SLCO3A1: variants seen among roughly 807,000 people sequenced by gnomAD.
The protein encoded by SLCO3A1 is PGE1 transporter.
In SLCO3A1, 27 loss-of-function variants were observed where a neutral mutation model predicts 63.1. That is an observed-to-expected ratio of 0.43 (90% CI 0.32 to 0.59). The LOEUF (loss-of-function observed/expected upper bound fraction) is 0.59, where lower values mean the gene tolerates loss of function less well. Among genes scored for constraint, SLCO3A1 ranks in the 20% least tolerant of loss-of-function variants. The pLI is 0.09. For synonymous variants in SLCO3A1, 473 were observed against 409.9 expected, an observed-to-expected ratio of 1.15 and a Z score of -1.86; for missense variants, 773 against 945.8, an observed-to-expected ratio of 0.82 and a Z score of 2.40.
chr15:91,980,020 CGCATTTGGT>C (rs1376609403), intron 2 of SLCO3A1, among the ~76,000 whole-genome samples: 1 of 152,166 alleles, frequency 6.6e-6, no homozygotes, highest in African/African-American at 2.4e-5. Context: ...CTTCACCATC[CGCATTTGGT>C]GCATTAGAAA....
At chr15:92,086,214 T>A (rs1401224931) in intron 2 of SLCO3A1, among the ~76,000 whole-genome samples, 1 of 152,140 alleles carries the variant, frequency 6.6e-6, no homozygotes, top group African/African-American at 2.4e-5. Context: ...ACTGCCAAGT[T>A]TTGCCAAGGT....
intron 1 of SLCO3A1, among the ~76,000 whole-genome samples, chr15:91,881,746 A>G (rs1897593751): frequency 6.6e-6 from 1 of 152,192 alleles, no homozygotes; most frequent in South Asian, 2.1e-4. Context: ...TAAATAAGCA[A>G]CATGCCGAGT....
intron 5 of SLCO3A1, among the ~76,000 whole-genome samples, chr15:92,125,187 G>A (rs1350430500): frequency 2.0e-5 from 3 of 152,144 alleles, no homozygotes; most frequent in African/African-American, 7.2e-5. Context: ...TTGACCTAGA[G>A]GTCTGTTGAT....
chr15:92,126,135 G>T lies in SLCO3A1; in HGVS notation c.1249G>T (p.Ala417Ser). The change falls in exon 6 of 10, where the codon GCC (alanine) becomes TCC (serine). Residue 417 changes from alanine (A) to serine (S), a missense_variant. Physicochemically the swap from Ala to Ser is moderately conservative, Grantham distance 99 (BLOSUM62 1). This residue lies in a region of SLCO3A1 where 565 missense variants were observed against 749.8 expected (regional missense o/e 0.75). Transcript: ENST00000318445. ...TTTGGTGAAGAAGCTCAGCCTGTCT[G>T]CCCTGGGGGCCATTCGGATGGCCAT... ...GLLVKKLSLSALGAIRMAMLV... is the reference protein window; with the variant it reads ...GLLVKKLSLSSLGAIRMAMLV... 1 of 1,613,546 alleles carries T rather than the reference G, an allele frequency of 6.2e-7. No homozygotes were observed. The highest frequency in any genetic ancestry group is 8.5e-7 in the Non-Finnish European group (1 of 1,179,880).
At chr15:92,040,797 G>A (rs1234855462) in intron 2 of SLCO3A1, among the ~76,000 whole-genome samples, 1 of 152,156 alleles carries the variant, frequency 6.6e-6, no homozygotes, top group Non-Finnish European at 1.5e-5. Context: ...ACTGTCCTTT[G>A]ACTATGGGTC....
chr15:92,007,378 T>C (rs1031286588), intron 2 of SLCO3A1, among the ~76,000 whole-genome samples: 1 of 152,172 alleles, frequency 6.6e-6, no homozygotes, highest in South Asian at 2.1e-4. Flanking sequence ...GGCTGGAGTA[T>C]TGAGGCTGGG....
chr15:91,985,865 G>A (rs1017395728), intron 2 of SLCO3A1, among the ~76,000 whole-genome samples: 1 of 152,198 alleles, frequency 6.6e-6, no homozygotes. Context: ...AGGAATGAGT[G>A]CACGGAGCTG....
intron 10 of SLCO3A1, chr15:92,171,522 C>A: frequency 2.3e-6 from 1 of 429,470 alleles, no homozygotes; most frequent in South Asian, 3.2e-5. Context: ...CCGACATCTG[C>A]TTGGCTGTGG....
intron 2 of SLCO3A1, among the ~76,000 whole-genome samples, chr15:92,050,354 GA>G (rs2046942050): frequency 6.6e-6 from 1 of 152,180 alleles, no homozygotes; most frequent in African/African-American, 2.4e-5. Flanking sequence ...CAAGCTTTAA[GA>G]AGAGTGGAAA....
intron 2 of SLCO3A1, among the ~76,000 whole-genome samples, chr15:91,927,849 G>A (rs761482277): frequency 4.6e-5 from 7 of 152,288 alleles, no homozygotes; most frequent in South Asian, 2.1e-4. Context: ...CTAAAATTGC[G>A]TATGGACACT....
intron 2 of SLCO3A1, among the ~76,000 whole-genome samples, chr15:91,931,795 ACACACG>A (rs879769571): frequency 2.0e-3 from 296 of 150,414 alleles, no homozygotes; most frequent in East Asian, 3.7e-3. Flanking sequence ...GGAAACACAC[ACACACG>A]CACACACACA....
chr15:92,050,299 G>A (rs1451305270), intron 2 of SLCO3A1, among the ~76,000 whole-genome samples: 1 of 152,212 alleles, frequency 6.6e-6, no homozygotes, highest in Admixed American at 6.5e-5. Flanking sequence ...CAGCCACAGA[G>A]GGATGGCTTG....
At chr15:92,015,902 CAT>C (rs2046420836) in intron 2 of SLCO3A1, among the ~76,000 whole-genome samples, 1 of 152,072 alleles carries the variant, frequency 6.6e-6, no homozygotes, top group Non-Finnish European at 1.5e-5. Flanking sequence ...AAAAGTAAGA[CAT>C]AAGAAAAATA....
At chr15:92,010,841 A>T (rs971329878) in intron 2 of SLCO3A1, among the ~76,000 whole-genome samples, 5 of 152,112 alleles carry the variant, frequency 3.3e-5, no homozygotes, top group Non-Finnish European at 7.4e-5. Flanking sequence ...CTATGATCCA[A>T]TCAACTTTGT....
Position 92,147,072 on chromosome 15 carries a change from A to G in SLCO3A1, c.1601A>G (p.Glu534Gly). Residue 534 changes from glutamate (E) to glycine (G), a missense_variant, in exon 8 of 10, where the codon GAG becomes GGG. Transcript: ENST00000318445. ...PGKCPSPGCQEAFLTFLCVMC... is the reference protein window; with the variant it reads ...PGKCPSPGCQGAFLTFLCVMC... ...AAATGCCCCAGTCCTGGGTGCCAAG[A>G]GGCCTTCCTCACTTTCCTCTGTGTG... The G allele has an allele frequency of 6.2e-7, 1 of 1,614,146 alleles. No homozygotes were observed. Among genetic ancestry groups the G allele is most frequent in the Non-Finnish European group, 8.5e-7 (1 of 1,180,016 alleles).
chr15:92,036,664 C>G (rs2046731691), intron 2 of SLCO3A1, among the ~76,000 whole-genome samples: 1 of 152,136 alleles, frequency 6.6e-6, no homozygotes, highest in African/African-American at 2.4e-5. Context: ...ATTTGCCTTC[C>G]TGGGCTGCAG....
intron 4 of SLCO3A1, among the ~76,000 whole-genome samples, chr15:92,112,430 T>G (rs2047740108): frequency 6.6e-6 from 1 of 152,212 alleles, no homozygotes; most frequent in Admixed American, 6.5e-5. Context: ...GCCAGGAGTT[T>G]GAGTCAGCAT....
chr15:92,025,022 CATCT>C (rs35708099), intron 2 of SLCO3A1, among the ~76,000 whole-genome samples: 23,636 of 152,056 alleles, frequency 0.16, 2,196 homozygotes, highest in Admixed American at 0.31. Flanking sequence ...TTCATCCATC[CATCT>C]GTCTATCCAT....
intron 2 of SLCO3A1, among the ~76,000 whole-genome samples, chr15:92,056,669 T>C (rs2047025540): frequency 6.6e-6 from 1 of 152,232 alleles, no homozygotes; most frequent in Non-Finnish European, 1.5e-5. Flanking sequence ...TGTTCTAATA[T>C]CCAGTTGAGG....
Sources: gnomAD v4.1 joint callset for allele counts (sites outside exome capture counted in the v4.1 genomes callset) on GRCh38, gnomAD v4.1.1 for gene constraint, gnomAD v4.1.1 regional missense constraint, MANE v1.5 for transcripts, NCBI Gene and HGNC (gene_info 2026-07-23, HGNC 2026-07-21) for gene names.